CCDC91: variants seen among roughly 807,000 people sequenced by gnomAD.
CCDC91 encodes coiled-coil domain containing 91.
A neutral mutation model predicts 63.2 loss-of-function variants in CCDC91; 48 were observed. That is an observed-to-expected ratio of 0.76 (90% CI 0.60 to 0.97). CCDC91 has a LOEUF of 0.97. Ranked by LOEUF, CCDC91 falls within the 50% of genes least tolerant of loss-of-function variation. The pLI is 0.00. For synonymous variants in CCDC91, 167 were observed against 165.8 expected, an observed-to-expected ratio of 1.01 and a Z score of -0.06; for missense variants, 500 against 494.6, an observed-to-expected ratio of 1.01 and a Z score of -0.10.
At chr12:28,307,824 A>C (rs1436396396) in intron 6 of CCDC91, 75 bp downstream of exon 6, 2 of 764,788 alleles carry the variant, frequency 2.6e-6, no homozygotes, top group African/African-American at 3.6e-5. Flanking sequence ...AAAAGTGCAT[A>C]ATGAATATCT....
At chr12:28,341,251 A>C (rs1350773349) in intron 6 of CCDC91, among the ~76,000 whole-genome samples, 1 of 152,112 alleles carries the variant, frequency 6.6e-6, no homozygotes, top group Non-Finnish European at 1.5e-5. Context: ...GGGGCATGGC[A>C]GGCCAGGGTG....
chr12:28,218,583 C>CTTA (rs1447128699), intron 1 of CCDC91, among the ~76,000 whole-genome samples: 1 of 152,022 alleles, frequency 6.6e-6, no homozygotes, highest in Admixed American at 6.6e-5. Context: ...TCCCTTGTGC[C>CTTA]TCATAAGACT....
intron 11 of CCDC91, among the ~76,000 whole-genome samples, chr12:28,453,368 G>C (rs1040434588): frequency 6.6e-6 from 1 of 151,842 alleles, no homozygotes; most frequent in Non-Finnish European, 1.5e-5. Context: ...AGTCTAACAT[G>C]TTCAAACTGT....
At chr12:28,294,466 G>A (rs1949435666) in intron 3 of CCDC91, among the ~76,000 whole-genome samples, 1 of 152,008 alleles carries the variant, frequency 6.6e-6, no homozygotes, top group African/African-American at 2.4e-5. Context: ...CCCTTCTCTG[G>A]CTCTCTTTCT....
intron 11 of CCDC91, among the ~76,000 whole-genome samples, chr12:28,481,373 C>A (rs532102444): frequency 6.6e-6 from 1 of 151,952 alleles, no homozygotes; most frequent in East Asian, 1.9e-4. Flanking sequence ...AGAAACCCTT[C>A]CTTAAAGAAT....
chr12:28,209,208 C>T (rs1943064327), intron 1 of CCDC91, among the ~76,000 whole-genome samples: 1 of 152,082 alleles, frequency 6.6e-6, no homozygotes, highest in African/African-American at 2.4e-5. Flanking sequence ...TTTAATAAAC[C>T]TTATAAACAA....
At chr12:28,379,399 C>T (rs1463220694) in intron 7 of CCDC91, among the ~76,000 whole-genome samples, 6 of 150,094 alleles carry the variant, frequency 4.0e-5, no homozygotes, top group African/African-American at 7.4e-5. Flanking sequence ...TGCAGTCTAC[C>T]CATCTGACAA....
At chr12:28,399,520 C>T (rs1946488961) in intron 8 of CCDC91, among the ~76,000 whole-genome samples, 1 of 152,216 alleles carries the variant, frequency 6.6e-6, no homozygotes, top group South Asian at 2.1e-4. Context: ...GCCCTTCTAA[C>T]AGTCCTGCAA....
intron 7 of CCDC91, among the ~76,000 whole-genome samples, chr12:28,390,971 T>C (rs1945901297): frequency 6.8e-6 from 1 of 146,864 alleles, no homozygotes; most frequent in African/African-American, 2.5e-5. Context: ...TTTCATACAC[T>C]CTTCATCCTG....
At chr12:28,408,231 G>A (rs1290613062) in intron 8 of CCDC91, among the ~76,000 whole-genome samples, 1 of 152,040 alleles carries the variant, frequency 6.6e-6, no homozygotes, top group African/African-American at 2.4e-5. Flanking sequence ...GAGAACATGT[G>A]GTGTTTGGTT....
At chr12:28,528,051 T>C (rs1346092062) in intron 12 of CCDC91, among the ~76,000 whole-genome samples, 1 of 152,170 alleles carries the variant, frequency 6.6e-6, no homozygotes, top group Non-Finnish European at 1.5e-5. Flanking sequence ...TAAGCAGGGC[T>C]TTCCTTCTCC....
intron 6 of CCDC91, among the ~76,000 whole-genome samples, chr12:28,321,516 A>G (rs1382507242): frequency 6.6e-6 from 1 of 151,908 alleles, no homozygotes; most frequent in Non-Finnish European, 1.5e-5. Context: ...TTTTGATGGT[A>G]TCTGGAGATG....
chr12:28,410,617 G>T (rs1947257802), intron 8 of CCDC91, among the ~76,000 whole-genome samples: 1 of 152,088 alleles, frequency 6.6e-6, no homozygotes, highest in South Asian at 2.1e-4. Context: ...TGTCTCTTGG[G>T]CTCAAGCAGT....
intron 8 of CCDC91, among the ~76,000 whole-genome samples, chr12:28,425,467 T>C (rs1371303743): frequency 6.6e-6 from 1 of 152,126 alleles, no homozygotes; most frequent in Non-Finnish European, 1.5e-5. Flanking sequence ...CCAACAGCAG[T>C]GAGTTGACCC....
chr12:28,460,596 T>G lies in CCDC91; in HGVS notation c.1101+7942T>G, dbSNP rs571346430. On this transcript the variant is annotated intron_variant, in intron 11 of 12. Coordinates refer to ENST00000536442, the MANE Select transcript of CCDC91 (RefSeq NM_018318.5). ...AAGATAATAGATTGGTGAAAAAGCT[T>G]AGAAACCATAACTATCATGCAAATG... Among the ~76,000 whole-genome samples the G allele has an allele frequency of 4.5e-4, 69 of 152,146 alleles. 2 individuals carry two copies. In the South Asian group the frequency reaches 0.013, roughly 30 times the overall value.
chr12:28,535,879 T>G (rs989983417), intron 12 of CCDC91, among the ~76,000 whole-genome samples: 1 of 151,548 alleles, frequency 6.6e-6, no homozygotes, highest in African/African-American at 2.4e-5. Flanking sequence ...AATACAAAAA[T>G]TTAGCCGGAC....
chr12:28,395,758 C>T (rs1024698085), intron 8 of CCDC91, among the ~76,000 whole-genome samples: 9 of 152,164 alleles, frequency 5.9e-5, no homozygotes, highest in African/African-American at 2.2e-4. Context: ...TCAGCCTCAT[C>T]CCTCCAGCAT....
At chr12:28,385,816 A>G (rs971136695) in intron 7 of CCDC91, among the ~76,000 whole-genome samples, 6 of 152,176 alleles carry the variant, frequency 3.9e-5, no homozygotes, top group Non-Finnish European at 8.8e-5. Context: ...TGTTGGGACA[A>G]TGGACTGTAG....
chr12:28,476,075 A>G (rs1951071682), intron 11 of CCDC91, among the ~76,000 whole-genome samples: 1 of 152,034 alleles, frequency 6.6e-6, no homozygotes, highest in African/African-American at 2.4e-5. Flanking sequence ...CACTCTACCC[A>G]TACTACTGAA....
Sources: allele counts gnomAD v4.1 joint callset (sites outside exome capture counted in the v4.1 genomes callset), GRCh38; gene constraint gnomAD v4.1.1; transcripts MANE v1.5; gene names NCBI Gene and HGNC (gene_info 2026-07-23, HGNC 2026-07-21).